The following TMPRSS6 variants were observed in gnomAD, a reference collection of about 807,000 sequenced individuals.
TMPRSS6 encodes transmembrane serine protease 6, also known as transmembrane protease serine 6.
Under a neutral mutation model 101.5 loss-of-function variants are expected in TMPRSS6, and 67 were observed. The observed-to-expected ratio is 0.66, with a 90% CI of 0.54 to 0.81. The LOEUF (loss-of-function observed/expected upper bound fraction) is 0.81. TMPRSS6 is among the 30% of genes least tolerant of loss of function. The pLI, the probability that TMPRSS6 is intolerant of heterozygous loss-of-function variation, is 0.00. For synonymous variants in TMPRSS6, 453 were observed against 464.9 expected (o/e 0.97, Z 0.33); for missense variants, 1,034 against 1,088.7 (o/e 0.95, Z 0.71).
In TMPRSS6 at chr22:37,096,062, A is replaced by C. The variant is rs756500193; in HGVS notation, c.433T>G (p.Phe145Val). The change falls in exon 5 of 18, where the codon TTC becomes GTC. Residue 145 changes from phenylalanine to valine, a missense_variant. By Grantham distance (50) the Phe-to-Val change is conservative (BLOSUM62 -1). Transcript: ENST00000676104. ...GEGPLTCFFW[F>V]ILQIPEHRRL... ...CGGTGCTCGGGGATTTGGAGAATGA[A>C]CCAGAAGAAGCAGGTGAGGGGTCCC... 9.9e-6 allele frequency: 16 copies of C among 1,614,192 alleles called. No individual in the cohort carries two copies. Among genetic ancestry groups the C allele is most frequent in the Non-Finnish European group, 1.4e-5 (16 of 1,180,032 alleles).
At chr22:37,073,346 AGATGGATGGATGGATGGATG>A (rs61496676) in intron 13 of TMPRSS6, among the ~76,000 whole-genome samples, 166 bp downstream of exon 13, 4 of 140,812 alleles carry the variant, frequency 2.8e-5, no homozygotes, top group Non-Finnish European at 6.2e-5. Context: ...GGAGACCAGA[AGATGGATGGATGGATGGATG>A]GATGGATGGA....
intron 10 of TMPRSS6, 42 bp downstream of exon 10, chr22:37,084,253 G>A (rs1928497768): frequency 5.9e-6 from 9 of 1,525,242 alleles, no homozygotes; most frequent in African/African-American, 1.4e-5. Flanking sequence ...AGAGGGAGGG[G>A]GAGGGAGGAA....
Position 37,065,788 on chromosome 22 carries a change from TGCATTAG to T in TMPRSS6, c.*285_*291del, listed in dbSNP as rs1926216098. 1 of 486,578 alleles carries T rather than the reference TGCATTAG, an allele frequency of 2.1e-6. No homozygotes were observed. The highest frequency in any genetic ancestry group is 3.3e-5 in the Admixed American group (1 of 30,296). 30.1% of individuals were successfully genotyped at this position (486,578 alleles called of 1,614,324 possible). On this transcript the variant is annotated 3_prime_UTR_variant, in exon 18 of 18. Transcript: ENST00000676104. ...CATTCTTGCTGCTGAGCCACTGCCTTGCATTAGGCAGCAGTGGAGGAAGGGGACGGAG... is the reference window on the plus strand; with the variant it reads ...CATTCTTGCTGCTGAGCCACTGCCTTGCAGCAGTGGAGGAAGGGGACGGAG...
rs573046930 is a variant in TMPRSS6 at position 37,101,236 on chromosome 22, G to A, written c.202+1980C>T. Among the ~76,000 whole-genome samples, 2 of 152,178 alleles carry A rather than the reference G, an allele frequency of 1.3e-5. No individual in the cohort carries two copies. Among genetic ancestry groups the A allele is most frequent in the South Asian group, 4.1e-4 (2 of 4,822 alleles). ...CGTGATGCAGCTGGGAGGGCAGGTG[G>A]GCCAACATATATGGGGCTTCTCTTC... On this transcript the variant is annotated intron_variant, in intron 2 of 17. Coordinates refer to ENST00000676104, the MANE Select transcript of TMPRSS6 (RefSeq NM_001374504.1). The surrounding 1 kb of genome is among the most constrained non-coding windows in gnomAD (Gnocchi z 4.1).
Position 37,103,478 on chromosome 22 carries a change from G to A in TMPRSS6, c.-1-60C>T, listed in dbSNP as rs1286284796. On this transcript the variant is annotated intron_variant, in intron 1 of 17. Transcript: ENST00000676104. This position sits in a 1 kb window ranked among gnomAD's most constrained non-coding sequence, Gnocchi z 4.4. ...TCGCATTTGCAAGGGAGCCTCTGCTGAGCACCGGTGGGGCACGGAAGCAGG... is the reference window on the plus strand; with the variant it reads ...TCGCATTTGCAAGGGAGCCTCTGCTAAGCACCGGTGGGGCACGGAAGCAGG... 1 of 1,614,230 alleles carries A rather than the reference G, an allele frequency of 6.2e-7. No homozygotes were observed. The highest frequency in any genetic ancestry group is 1.1e-5 in the South Asian group (1 of 91,082).
chr22:37,096,431 C>G (rs1433506840), intron 4 of TMPRSS6, among the ~76,000 whole-genome samples: 1 of 152,222 alleles, frequency 6.6e-6, no homozygotes, highest in Non-Finnish European at 1.5e-5. Context: ...TCAGCCATCA[C>G]AGTCATTGTC....
chr22:37,096,596 T>G, intron 4 of TMPRSS6, 52 bp downstream of exon 4: 1 of 1,539,214 alleles, frequency 6.5e-7, no homozygotes, highest in East Asian at 2.4e-5. Flanking sequence ...CCCCTCCCAT[T>G]CTTTGAATCT....
At chr22:37,095,811 C>A (rs1194350067) in intron 5 of TMPRSS6, 95 bp downstream of exon 5, 2 of 1,525,106 alleles carry the variant, frequency 1.3e-6, no homozygotes, top group Non-Finnish European at 1.8e-6. Flanking sequence ...CCTGACAGCA[C>A]CCCAGGCCTG....
intron 10 of TMPRSS6, among the ~76,000 whole-genome samples, chr22:37,078,103 CA>C (rs1221393873): frequency 1.3e-5 from 2 of 152,224 alleles, no homozygotes; most frequent in African/African-American, 4.8e-5. Context: ...AGGAAGTAGA[CA>C]GGGGAGCCAG....
At chr22:37,076,642 T>A (rs1927698156) in intron 10 of TMPRSS6, among the ~76,000 whole-genome samples, 1 of 152,100 alleles carries the variant, frequency 6.6e-6, no homozygotes, top group South Asian at 2.1e-4. Flanking sequence ...ACAGAGTGGG[T>A]GCAGCCACTC....
chr22:37,099,906 G>T (rs555340222), intron 2 of TMPRSS6, among the ~76,000 whole-genome samples: 1 of 152,266 alleles, frequency 6.6e-6, no homozygotes, highest in East Asian at 1.9e-4. Flanking sequence ...GGAGGACTCG[G>T]GCTTTCACCC....
intron 11 of TMPRSS6, 65 bp downstream of exon 11, chr22:37,075,070 G>T: frequency 1.2e-6 from 2 of 1,611,216 alleles, no homozygotes; most frequent in East Asian, 2.2e-5. Context: ...CCCCCTTGGT[G>T]GTTCCAGGGA....
At chr22:37,108,768 C>T (rs1168799979) in intron 1 of TMPRSS6, among the ~76,000 whole-genome samples, 2 of 152,190 alleles carry the variant, frequency 1.3e-5, no homozygotes, top group South Asian at 2.1e-4. Context: ...GGTAACATGA[C>T]TTACCCGAGG....
chr22:37,104,682 C>T (rs1006750157), intron 1 of TMPRSS6, among the ~76,000 whole-genome samples: 2 of 152,196 alleles, frequency 1.3e-5, no homozygotes, highest in Non-Finnish European at 2.9e-5. Flanking sequence ...ACCCCAGGGC[C>T]GGGTGCCGTG....
Position 37,066,051 on chromosome 22 carries a change from T to G in TMPRSS6, c.*29A>C. 1 of 1,612,160 alleles carries G rather than the reference T, an allele frequency of 6.2e-7. No individual in the cohort carries two copies. The highest frequency in any genetic ancestry group is 2.2e-5 in the East Asian group (1 of 44,772). ...CCCTGGGCTCTCTGAGTCCAGGAGG[T>G]GGGCCCTGCTTTGCAGGGGGGCAGT... On this transcript the variant is annotated 3_prime_UTR_variant, in exon 18 of 18. Coordinates refer to ENST00000676104, the MANE Select transcript of TMPRSS6 (RefSeq NM_001374504.1).
At chr22:37,086,058 C>A (rs1005653564) in intron 8 of TMPRSS6, among the ~76,000 whole-genome samples, 1 of 145,880 alleles carries the variant, frequency 6.9e-6, no homozygotes, top group African/African-American at 2.6e-5. Context: ...AAGACAGAGA[C>A]TGCGAATGGT....
rs1328815224 is a variant in TMPRSS6, at chr22:37,091,237, G to A, written c.632-1455C>T. ...TCGCCAGAAGCCTGGTGTTCTTCCA[G>A]GAGCCAGTGGGGATTTAGGAATGAA... On this transcript the variant is annotated intron_variant, in intron 6 of 17. Coordinates refer to ENST00000676104, the MANE Select transcript of TMPRSS6 (RefSeq NM_001374504.1). 2.6e-5 allele frequency among the ~76,000 whole-genome samples: 4 copies of A among 152,208 alleles called. No individual in the cohort carries two copies. In the East Asian group the frequency reaches 5.8e-4, roughly 22 times the overall value.
intron 6 of TMPRSS6, among the ~76,000 whole-genome samples, chr22:37,093,840 C>T (rs6000567): frequency 0.45 from 67,399 of 151,052 alleles, 15,337 homozygotes; most frequent in African/African-American, 0.53. Flanking sequence ...CTGGCCAACA[C>T]GGCAAAACCT....
chr22:37,084,363 G>A lies in TMPRSS6; in HGVS notation c.1128C>T (p.Ala376=). The A allele has an allele frequency of 1.2e-6, 2 of 1,613,352 alleles. No individual in the cohort carries two copies. Among genetic ancestry groups the A allele is most frequent in the Non-Finnish European group, 1.7e-6 (2 of 1,179,650 alleles). ...CATACTTCTGCCTCCTCAGTGCATAGGCATCAAACCAGAGGGCCAAGCCGT... is the reference window on the plus strand; with the variant it reads ...CATACTTCTGCCTCCTCAGTGCATAAGCATCAAACCAGAGGGCCAAGCCGT... The part of the protein sequence containing the change: ...LDYGLALWFD[A]YALRRQKYDL... Residue 376 remains alanine (A), a synonymous_variant, in exon 10 of 18, where the codon GCC becomes GCT. Transcript: ENST00000676104.
Sources: allele counts gnomAD v4.1 joint callset (sites outside exome capture counted in the v4.1 genomes callset), GRCh38; gene constraint gnomAD v4.1.1; non-coding constraint Gnocchi (gnomAD v3.1); transcripts MANE v1.5; gene names NCBI Gene and HGNC (gene_info 2026-07-23, HGNC 2026-07-21).